The following CSMD1 variants were observed in gnomAD, a reference collection of about 807,000 sequenced individuals.
CSMD1 encodes the protein CUB and Sushi multiple domains 1, also known as CUB and sushi domain-containing protein 1.
CSMD1 carries 213 observed loss-of-function variants against 417.5 expected under a neutral mutation model. The ratio of observed to expected loss-of-function variants is 0.51; its 90% CI spans 0.46 to 0.57. The LOEUF is 0.57. Among genes scored for constraint, CSMD1 ranks in the 20% least tolerant of loss-of-function variants. CSMD1 has a pLI of 0.00. For synonymous variants in CSMD1, 2,862 were observed against 1,736.8 expected (o/e 1.65, Z -16.11); for missense variants, 6,923 against 4,529.7 (o/e 1.53, Z -15.17).
chr8:3,875,862 T>C (rs1033619500), intron 5 of CSMD1, among the ~76,000 whole-genome samples: 2 of 152,152 alleles, frequency 1.3e-5, no homozygotes, highest in Non-Finnish European at 2.9e-5. Context: ...TTGGAAACAC[T>C]AGAGTGTGTT....
chr8:4,515,714 T>C (rs1290403454), intron 2 of CSMD1, among the ~76,000 whole-genome samples: 1 of 152,082 alleles, frequency 6.6e-6, no homozygotes, highest in Non-Finnish European at 1.5e-5. Flanking sequence ...CTGGGGTGAA[T>C]GCTTATGAGC....
At chr8:3,246,232 G>C (rs1337915573) in intron 26 of CSMD1, among the ~76,000 whole-genome samples, 1 of 152,064 alleles carries the variant, frequency 6.6e-6, no homozygotes, top group Non-Finnish European at 1.5e-5. Flanking sequence ...CATCCACTGT[G>C]CCTCACCCAC....
chr8:4,441,593 T>C (rs1315596843), intron 2 of CSMD1, among the ~76,000 whole-genome samples: 2 of 152,168 alleles, frequency 1.3e-5, no homozygotes, highest in Non-Finnish European at 2.9e-5. Flanking sequence ...TTATGTTCAA[T>C]ACATTTGATA....
intron 50 of CSMD1, among the ~76,000 whole-genome samples, chr8:3,049,353 G>A (rs1160103025): frequency 7.2e-5 from 11 of 152,052 alleles, no homozygotes; most frequent in African/African-American, 1.4e-4. Flanking sequence ...GTACGTAAAC[G>A]GGTAAATAAG....
intron 3 of CSMD1, among the ~76,000 whole-genome samples, chr8:4,248,924 T>A (rs1802879715): frequency 6.6e-6 from 1 of 152,210 alleles, no homozygotes; most frequent in South Asian, 2.1e-4. Flanking sequence ...AGAATGCCTA[T>A]TTAATGCATG....
At chr8:3,782,466 TATAG>T (rs1799233924) in intron 5 of CSMD1, among the ~76,000 whole-genome samples, 1 of 152,156 alleles carries the variant, frequency 6.6e-6, no homozygotes, top group South Asian at 2.1e-4. Flanking sequence ...GCATAACATG[TATAG>T]ATAATCTAAT....
chr8:3,444,880 G>A (rs961694426), intron 12 of CSMD1, among the ~76,000 whole-genome samples: 3 of 152,086 alleles, frequency 2.0e-5, no homozygotes, highest in African/African-American at 7.2e-5. Flanking sequence ...TCGATTTGTG[G>A]CATTTAGTCA....
At chr8:3,544,392 C>T (rs1161844601) in intron 10 of CSMD1, among the ~76,000 whole-genome samples, 2 of 151,896 alleles carry the variant, frequency 1.3e-5, no homozygotes, top group Admixed American at 1.3e-4. Flanking sequence ...CTTTTTTCAT[C>T]CTATATACGA....
intron 1 of CSMD1, among the ~76,000 whole-genome samples, chr8:4,768,255 G>T (rs927933937): frequency 6.6e-6 from 1 of 152,026 alleles, no homozygotes; most frequent in Non-Finnish European, 1.5e-5. Context: ...CCTCCTTCAT[G>T]TCAGCCCCTA....
At chr8:3,621,378 A>G (rs1353434331) in intron 7 of CSMD1, among the ~76,000 whole-genome samples, 1 of 152,158 alleles carries the variant, frequency 6.6e-6, no homozygotes, top group East Asian at 1.9e-4. Flanking sequence ...TTAAAAACGA[A>G]GAGTAATCAA....
chr8:4,164,728 T>A (rs1481889704), intron 3 of CSMD1, among the ~76,000 whole-genome samples: 1 of 152,002 alleles, frequency 6.6e-6, no homozygotes, highest in African/African-American at 2.4e-5. Flanking sequence ...GTACTAAAAG[T>A]ATTTAAAAAA....
chr8:3,460,689 T>C (rs754401326), intron 12 of CSMD1, among the ~76,000 whole-genome samples: 1 of 152,038 alleles, frequency 6.6e-6, no homozygotes, highest in Non-Finnish European at 1.5e-5. Context: ...GAGAACAGGA[T>C]CATAAACCAC....
chr8:3,681,620 T>A (rs982437165), intron 7 of CSMD1, among the ~76,000 whole-genome samples: 4 of 152,130 alleles, frequency 2.6e-5, no homozygotes, highest in Admixed American at 2.6e-4. Context: ...CTGCCCAAGG[T>A]AATTTATAGA....
intron 5 of CSMD1, among the ~76,000 whole-genome samples, chr8:3,949,652 C>T (rs1306806375): frequency 6.6e-6 from 1 of 151,766 alleles, no homozygotes; most frequent in Non-Finnish European, 1.5e-5. Context: ...ATTGAAGGGG[C>T]AACGAGGATG....
intron 3 of CSMD1, among the ~76,000 whole-genome samples, chr8:4,378,393 C>T (rs973712781): frequency 6.6e-6 from 1 of 152,196 alleles, no homozygotes; most frequent in African/African-American, 2.4e-5. Flanking sequence ...CGTTTGCACG[C>T]AAGTTGGCTT....
intron 1 of CSMD1, among the ~76,000 whole-genome samples, chr8:4,930,534 A>G (rs1002503784): frequency 2.0e-5 from 3 of 152,176 alleles, no homozygotes; most frequent in Non-Finnish European, 4.4e-5. Flanking sequence ...GAGTAAGCCA[A>G]TTCCTTGCAG....
chr8:3,298,542 C>G (rs1026066381), intron 25 of CSMD1, among the ~76,000 whole-genome samples: 2 of 152,176 alleles, frequency 1.3e-5, no homozygotes, highest in Admixed American at 6.5e-5. Context: ...CAACCTCTGC[C>G]TCCCAGGCTC....
chr8:3,021,525 T>C (rs1384961296), intron 51 of CSMD1, among the ~76,000 whole-genome samples: 1 of 152,250 alleles, frequency 6.6e-6, no homozygotes, highest in African/African-American at 2.4e-5. Flanking sequence ...TGCCTTTTTT[T>C]CATTTCATTA....
At chr8:4,946,650 C>G (rs535171906) in intron 1 of CSMD1, among the ~76,000 whole-genome samples, 2 of 152,040 alleles carry the variant, frequency 1.3e-5, no homozygotes, top group African/African-American at 4.8e-5. Flanking sequence ...AATCTGACTC[C>G]CGAATTAAAA....
Sources: gnomAD v4.1 joint callset for allele counts (sites outside exome capture counted in the v4.1 genomes callset) on GRCh38, gnomAD v4.1.1 for gene constraint, MANE v1.5 for transcripts, NCBI Gene and HGNC (gene_info 2026-07-23, HGNC 2026-07-21) for gene names.